FHIT: variants seen among roughly 807,000 people sequenced by gnomAD.
FHIT encodes bis(5'-adenosyl)-triphosphatase.
FHIT carries 19 observed loss-of-function variants against 17.9 expected under a neutral mutation model. That is an observed-to-expected ratio of 1.06 (90% CI 0.74 to 1.56). FHIT has a LOEUF of 1.56. Ranked by LOEUF, FHIT falls within the 40% of genes most tolerant of loss-of-function variation. FHIT has a pLI of 0.00. For synonymous variants in FHIT, 81 were observed against 69.7 expected (o/e 1.16, Z -0.81); for missense variants, 248 against 189.2 (o/e 1.31, Z -1.82).
At chr3:59,853,804 G>T (rs888009008) in intron 8 of FHIT, among the ~76,000 whole-genome samples, 1 of 152,038 alleles carries the variant, frequency 6.6e-6, no homozygotes, top group East Asian at 1.9e-4. Context: ...AAATTAGCTA[G>T]CTAATTTCCA....
rs571017770 is a variant in FHIT, at chr3:60,201,282, A to T, written c.104-187130T>A. Among the ~76,000 whole-genome samples, 9 of 152,180 alleles carry T rather than the reference A, an allele frequency of 5.9e-5. No homozygotes were observed. In the South Asian group the frequency reaches 1.9e-3, roughly 32 times the overall value. On this transcript the variant is annotated intron_variant, in intron 5 of 9. Coordinates refer to ENST00000492590, the MANE Select transcript of FHIT (RefSeq NM_002012.4). The stretch of plus-strand genomic sequence containing the variant: ...TATACCAAATGATCGTCTATGGTAG[A>T]TTTCAATCATCATTCTAAATTCTAC...
At chr3:60,403,393 C>T (rs1701735077) in intron 5 of FHIT, among the ~76,000 whole-genome samples, 1 of 152,134 alleles carries the variant, frequency 6.6e-6, no homozygotes, top group Non-Finnish European at 1.5e-5. Context: ...TGGATGTGCA[C>T]ATCGCTGCTG....
intron 2 of FHIT, among the ~76,000 whole-genome samples, chr3:61,084,970 C>T (rs58847767): frequency 7.9e-5 from 12 of 152,138 alleles, no homozygotes; most frequent in Non-Finnish European, 1.6e-4. Flanking sequence ...CAGGTTATTT[C>T]AGGTATGGGC....
intron 5 of FHIT, among the ~76,000 whole-genome samples, chr3:60,098,737 C>T (rs551319503): frequency 6.6e-6 from 1 of 152,232 alleles, no homozygotes; most frequent in East Asian, 1.9e-4. Flanking sequence ...ATTTTCTTTT[C>T]TCTAGCAAAC....
intron 5 of FHIT, among the ~76,000 whole-genome samples, chr3:60,472,369 ATTTT>A (rs370195823): frequency 9.7e-5 from 13 of 134,548 alleles, no homozygotes; most frequent in African/African-American, 3.3e-4. Flanking sequence ...ACAATGCTGT[ATTTT>A]TTTTTTTTTT....
intron 4 of FHIT, among the ~76,000 whole-genome samples, chr3:60,785,934 C>G (rs61590697): frequency 0.12 from 17,215 of 137,966 alleles, 1,394 homozygotes; most frequent in African/African-American, 0.24. Flanking sequence ...CACACACACA[C>G]AGAGAGAGTA....
At chr3:60,124,015 G>T (rs867755962) in intron 5 of FHIT, among the ~76,000 whole-genome samples, 206 of 52,622 alleles carry the variant, frequency 3.9e-3, no homozygotes, top group African/African-American at 4.8e-3. Context: ...TATATAGAGA[G>T]AGAGAGAGAG....
intron 7 of FHIT, among the ~76,000 whole-genome samples, chr3:59,952,043 T>C (rs1707142599): frequency 6.6e-6 from 1 of 152,154 alleles, no homozygotes; most frequent in South Asian, 2.1e-4. Context: ...CTTGATCTCA[T>C]CCTGGGCACC....
chr3:60,608,551 G>C (rs1249464887), intron 4 of FHIT, among the ~76,000 whole-genome samples: 4 of 152,098 alleles, frequency 2.6e-5, no homozygotes, highest in Non-Finnish European at 5.9e-5. Flanking sequence ...AATAACGAAA[G>C]TTGACTTAGC....
At chr3:60,968,951 A>T (rs1361772311) in intron 3 of FHIT, among the ~76,000 whole-genome samples, 1 of 152,128 alleles carries the variant, frequency 6.6e-6, no homozygotes, top group Non-Finnish European at 1.5e-5. Context: ...CTTTTTATAT[A>T]TCACTGGATT....
At chr3:60,750,579 A>G (rs1256231282) in intron 4 of FHIT, among the ~76,000 whole-genome samples, 7 of 152,132 alleles carry the variant, frequency 4.6e-5, no homozygotes, top group Non-Finnish European at 1.0e-4. Flanking sequence ...GCTGCCCTCC[A>G]TGTAAGATGT....
chr3:61,007,779 A>G (rs2031548928), intron 3 of FHIT, among the ~76,000 whole-genome samples: 1 of 152,154 alleles, frequency 6.6e-6, no homozygotes, highest in Admixed American at 6.5e-5. Flanking sequence ...TCCTCCCTAC[A>G]GGTGTTGCTG....
At chr3:61,025,530 C>G (rs904665853) in intron 3 of FHIT, among the ~76,000 whole-genome samples, 1 of 151,960 alleles carries the variant, frequency 6.6e-6, no homozygotes, top group Non-Finnish European at 1.5e-5. Flanking sequence ...TCCTTATCAA[C>G]AAGGCACTAA....
At chr3:60,871,199 G>C (rs556088746) in intron 3 of FHIT, among the ~76,000 whole-genome samples, 39 of 152,166 alleles carry the variant, frequency 2.6e-4, no homozygotes, top group African/African-American at 8.9e-4. Flanking sequence ...TATATCAGAA[G>C]CATTATAATA....
chr3:60,603,069 G>A (rs531149273), intron 4 of FHIT, among the ~76,000 whole-genome samples: 2 of 152,122 alleles, frequency 1.3e-5, no homozygotes, highest in Non-Finnish European at 2.9e-5. Flanking sequence ...AAAATAATAT[G>A]AGCAACATAG....
intron 3 of FHIT, among the ~76,000 whole-genome samples, chr3:61,022,346 T>G (rs986815015): frequency 1.3e-5 from 2 of 152,222 alleles, no homozygotes; most frequent in Non-Finnish European, 2.9e-5. Context: ...ATTGAGGCAG[T>G]AATTAATAGC....
chr3:60,437,709 G>C (rs1353332280), intron 5 of FHIT, among the ~76,000 whole-genome samples: 2 of 152,046 alleles, frequency 1.3e-5, no homozygotes, highest in Admixed American at 6.6e-5. Flanking sequence ...AGGGTATGTA[G>C]TTCTAAGATA....
At chr3:59,883,454 G>A (rs111942216) in intron 8 of FHIT, among the ~76,000 whole-genome samples, 2,469 of 152,306 alleles carry the variant, frequency 0.016, 28 homozygotes, top group South Asian at 0.021. Context: ...TGAGAACGAA[G>A]TGCAAGGGTT....
chr3:60,509,821 A>G (rs569977266), intron 5 of FHIT, among the ~76,000 whole-genome samples: 2 of 152,360 alleles, frequency 1.3e-5, no homozygotes, highest in South Asian at 4.1e-4. Context: ...TTATGGATAT[A>G]GTCTTTCTAA....
Sources: allele counts gnomAD v4.1 joint callset (sites outside exome capture counted in the v4.1 genomes callset), GRCh38; gene constraint gnomAD v4.1.1; transcripts MANE v1.5; gene names NCBI Gene and HGNC (gene_info 2026-07-23, HGNC 2026-07-21).